The following DRGX variants were observed in gnomAD, a reference collection of about 807,000 sequenced individuals.
The protein encoded by DRGX is dorsal root ganglia homeobox protein.
Under a neutral mutation model 28.6 loss-of-function variants are expected in DRGX, and 21 were observed. The observed-to-expected ratio is 0.73, with a 90% confidence interval of 0.52 to 1.06. The LOEUF is 1.06. Among genes scored for constraint, DRGX ranks in the 50% least tolerant of loss-of-function variants. The probability of loss-of-function intolerance (pLI) is 0.00; values close to 1 mark genes in which losing one functional copy is unlikely to be tolerated. For synonymous variants in DRGX, 136 were observed against 139.1 expected, an observed-to-expected ratio of 0.98 and a Z score of 0.16; for missense variants, 354 against 343.9, an observed-to-expected ratio of 1.03 and a Z score of -0.23.
chr10:49,395,648 A>G, intron 1 of DRGX, 127 bp from the exon 2 acceptor site: 1 of 632,520 alleles, frequency 1.6e-6, no homozygotes, highest in Non-Finnish European at 2.8e-6. Flanking sequence ...TGCGGGGGAC[A>G]GGAGGGAAGG....
At chr10:49,378,905 A>G (rs1468899098) in intron 6 of DRGX, among the ~76,000 whole-genome samples, 1 of 152,174 alleles carries the variant, frequency 6.6e-6, no homozygotes, top group South Asian at 2.1e-4. Context: ...TATATCTACT[A>G]TATATATAGT....
chr10:49,390,923 C>T lies in DRGX; in HGVS notation c.132+241G>A, dbSNP rs1166351320. 3.9e-5 allele frequency among the ~76,000 whole-genome samples: 6 copies of T among 152,298 alleles called. No homozygotes were observed. The East Asian group carries it at 9.7e-4, about 25-fold the overall frequency. Reference sequence around the variant, plus strand: ...ACATGGAAGTGTTCCCCAAACTATCCACCTAAGGCAAGTGGGAGAGAACGT... The same window carrying T: ...ACATGGAAGTGTTCCCCAAACTATCTACCTAAGGCAAGTGGGAGAGAACGT... On this transcript the variant is annotated intron_variant, in intron 3 of 6. Transcript: ENST00000374139.
At chr10:49,368,238 C>A (rs1312662900) in intron 6 of DRGX, among the ~76,000 whole-genome samples, 2 of 152,210 alleles carry the variant, frequency 1.3e-5, no homozygotes, top group African/African-American at 4.8e-5. Context: ...AGAGATGGGA[C>A]CAGAACCTCC....
At chr10:49,393,439 A>G (rs1042764155) in intron 2 of DRGX, among the ~76,000 whole-genome samples, 15 of 152,370 alleles carry the variant, frequency 9.8e-5, no homozygotes, top group Admixed American at 2.0e-4. Context: ...TTGCTTTTCA[A>G]TGTATAAGTT....
At chr10:49,372,646 T>A (rs1006428251) in intron 6 of DRGX, among the ~76,000 whole-genome samples, 2 of 152,208 alleles carry the variant, frequency 1.3e-5, no homozygotes, top group African/African-American at 4.8e-5. Flanking sequence ...ACCCAAGTTG[T>A]CCCGAGTATT....
chr10:49,388,095 C>G (rs1849860220), intron 4 of DRGX, among the ~76,000 whole-genome samples: 1 of 152,198 alleles, frequency 6.6e-6, no homozygotes. Flanking sequence ...GGTAATTCAC[C>G]TTGACCTGAG....
At chr10:49,367,913 C>A (rs188046366) in intron 6 of DRGX, among the ~76,000 whole-genome samples, 17 of 152,310 alleles carry the variant, frequency 1.1e-4, no homozygotes, top group African/African-American at 3.8e-4. Flanking sequence ...GGAAGGCCAC[C>A]CTGGCCTGGC....
chr10:49,376,172 C>T (rs1220450103), intron 6 of DRGX, among the ~76,000 whole-genome samples: 1 of 152,166 alleles, frequency 6.6e-6, no homozygotes, highest in Non-Finnish European at 1.5e-5. Flanking sequence ...TTCTCCAGGC[C>T]TCAGGTTCCC....
At chr10:49,380,165 G>T (rs774215153) in intron 6 of DRGX, among the ~76,000 whole-genome samples, 1 of 152,220 alleles carries the variant, frequency 6.6e-6, no homozygotes, top group Non-Finnish European at 1.5e-5. Context: ...AGTGCAGGGG[G>T]GTGGCTGTGA....
chr10:49,386,522 G>A lies in DRGX; in HGVS notation c.482C>T (p.Thr161Met), dbSNP rs201624460. 1.6e-4 allele frequency: 250 copies of A among 1,588,924 alleles called. 1 individual carries two copies. The highest frequency in any genetic ancestry group is 3.1e-4 in the South Asian group (27 of 87,136). ...GGACAAGGCCTGGGCGTAGGTGGCC[G>A]TGTTCAGGAGAGTCCCCGGCAAGCA... ...PSCLPGTLLN[T>M]ATYAQALSHV... The change falls in exon 6 of 7, where the codon ACG (threonine) becomes ATG (methionine). Residue 161 changes from threonine (T) to methionine (M), a missense_variant. Physicochemically the swap from Thr to Met is moderately conservative, Grantham distance 81. Coordinates refer to ENST00000374139, the MANE Select transcript of DRGX (RefSeq NM_001276451.2).
intron 4 of DRGX, among the ~76,000 whole-genome samples, chr10:49,388,707 G>A (rs1248721533): frequency 1.3e-5 from 2 of 152,192 alleles, no homozygotes; most frequent in African/African-American, 2.4e-5. Flanking sequence ...GCATGATGGA[G>A]TCGTTTATTT....
chr10:49,390,256 T>C, intron 3 of DRGX, 22 bp from the exon 4 acceptor site: 4 of 1,589,322 alleles, frequency 2.5e-6, no homozygotes, highest in Non-Finnish European at 3.4e-6. Context: ...AAAAAATATG[T>C]ACTGGTGAGA....
chr10:49,395,473 C>A lies in DRGX; in HGVS notation c.-33G>T. 6.5e-7 allele frequency: 1 copy of A among 1,549,484 alleles called. No individual in the cohort carries two copies. Among genetic ancestry groups the A allele is most frequent in the Non-Finnish European group, 8.7e-7 (1 of 1,146,768 alleles). On this transcript the variant is annotated 5_prime_UTR_variant, in exon 2 of 7. Transcript: ENST00000374139. ...TGTCAGATCGGCTGGACGGCCGAGA[C>A]CTGGGAGGGTGGCAGCAGAACGGAC...
At chr10:49,366,643 A>G (rs1849605077) in intron 6 of DRGX, among the ~76,000 whole-genome samples, 1 of 152,244 alleles carries the variant, frequency 6.6e-6, no homozygotes, top group South Asian at 2.1e-4. Flanking sequence ...GCCTTAGGCC[A>G]ATATCTTGGC....
intron 6 of DRGX, among the ~76,000 whole-genome samples, chr10:49,372,094 A>G (rs553014301): frequency 2.6e-5 from 4 of 152,218 alleles, no homozygotes; most frequent in Admixed American, 2.6e-4. Flanking sequence ...GATGGCCCAA[A>G]GCCATCACAG....
In DRGX at chr10:49,386,772, T is replaced by A; in HGVS notation, c.321A>T (p.Ala107=). 6.2e-7 allele frequency: 1 copy of A among 1,610,332 alleles called. No individual in the cohort carries two copies. The highest frequency in any genetic ancestry group is 8.5e-7 in the Non-Finnish European group (1 of 1,178,272). Residue 107 remains alanine, a synonymous_variant, in exon 5 of 7, where the codon GCA becomes GCT. Transcript: ENST00000374139. ...TTCTCACTGGAGGAGGTGTCACCTC[T>A]GCCATGGGCTCCTTGGCTCCTGGCT... ...DQEPGAKEPM[A]EVTPPPVRNI...
At chr10:49,386,989 G>A in intron 4 of DRGX, 131 bp from the exon 5 acceptor site, 1 of 1,079,908 alleles carries the variant, frequency 9.3e-7, no homozygotes, top group South Asian at 2.3e-5. Context: ...CTGAACTGCA[G>A]CGTCAGGCCC....
At chr10:49,384,531 G>T (rs1456263334) in intron 6 of DRGX, among the ~76,000 whole-genome samples, 1 of 152,228 alleles carries the variant, frequency 6.6e-6, no homozygotes, top group East Asian at 1.9e-4. Context: ...CAGGCATGGG[G>T]CAGGCTCCGG....
intron 6 of DRGX, among the ~76,000 whole-genome samples, chr10:49,384,862 G>A (rs1241642544): frequency 6.6e-6 from 1 of 152,216 alleles, no homozygotes; most frequent in African/African-American, 2.4e-5. Flanking sequence ...CAGCCTATCA[G>A]AGACGCCGTG....
Sources: gnomAD v4.1 joint callset for allele counts (sites outside exome capture counted in the v4.1 genomes callset) on GRCh38, gnomAD v4.1.1 for gene constraint, MANE v1.5 for transcripts, NCBI Gene and HGNC (gene_info 2026-07-23, HGNC 2026-07-21) for gene names.